VWA3B: variants seen among roughly 807,000 people sequenced by gnomAD.
The protein encoded by VWA3B is von Willebrand factor A domain containing 3B.
A neutral mutation model predicts 158.3 loss-of-function variants in VWA3B; 138 were observed. That is an observed-to-expected ratio of 0.87 (90% CI 0.76 to 1.00). The LOEUF (loss-of-function observed/expected upper bound fraction) is 1.00, where lower values mean the gene tolerates loss of function less well. VWA3B is among the 50% of genes least tolerant of loss of function. VWA3B has a pLI of 0.00. For missense variants in VWA3B, 1,555 were observed against 1,565.1 expected (o/e 0.99, Z 0.11); for synonymous variants, 596 against 587.3 (o/e 1.01, Z -0.21).
At chr2:98,298,916 C>G (rs1331661058) in intron 24 of VWA3B, among the ~76,000 whole-genome samples, 1 of 152,186 alleles carries the variant, frequency 6.6e-6, no homozygotes, top group Non-Finnish European at 1.5e-5. Context: ...AATTAGTGCC[C>G]TATGTAGATG....
intron 19 of VWA3B, among the ~76,000 whole-genome samples, chr2:98,248,883 C>CTTT (rs201467379): frequency 9.8e-4 from 22 of 22,474 alleles, no homozygotes; most frequent in African/African-American, 4.6e-3. Flanking sequence ...TTCTTTCTTT[C>CTTT]TCTCTTTCCT....
At chr2:98,259,770 C>T (rs1413549823) in intron 21 of VWA3B, among the ~76,000 whole-genome samples, 1 of 151,622 alleles carries the variant, frequency 6.6e-6, no homozygotes, top group African/African-American at 2.4e-5. Flanking sequence ...TTTCCTTCCT[C>T]TGCTGGCTTT....
intron 19 of VWA3B, among the ~76,000 whole-genome samples, chr2:98,246,719 G>A (rs62156719): frequency 0.04 from 6,101 of 151,938 alleles, 181 homozygotes; most frequent in Middle Eastern, 0.075. Context: ...CTAAAACATC[G>A]TCCTACAGGT....
At chr2:98,098,222 T>C (rs1682847010) in intron 2 of VWA3B, among the ~76,000 whole-genome samples, 1 of 152,134 alleles carries the variant, frequency 6.6e-6, no homozygotes, top group African/African-American at 2.4e-5. Flanking sequence ...GTTCTGTGTA[T>C]GTTTATTTGG....
chr2:98,134,314 C>T (rs1297691963), intron 7 of VWA3B, among the ~76,000 whole-genome samples: 3 of 152,164 alleles, frequency 2.0e-5, no homozygotes, highest in Non-Finnish European at 4.4e-5. Flanking sequence ...GCTGTCCTCC[C>T]TGTGATGAAA....
chr2:98,192,226 T>C (rs1574039181), intron 10 of VWA3B: 1 of 152,444 alleles, frequency 6.6e-6, no homozygotes, highest in Admixed American at 6.5e-5. Flanking sequence ...TTTGGCACCT[T>C]TCATGTGCGT....
At chr2:98,281,566 T>C (rs1217811360) in intron 22 of VWA3B, among the ~76,000 whole-genome samples, 2 of 152,212 alleles carry the variant, frequency 1.3e-5, no homozygotes, top group Admixed American at 1.3e-4. Flanking sequence ...TTTGTAGAAA[T>C]GTGTTCTGTA....
intron 19 of VWA3B, among the ~76,000 whole-genome samples, chr2:98,239,261 A>G (rs946539799): frequency 1.3e-5 from 2 of 152,246 alleles, no homozygotes; most frequent in Non-Finnish European, 2.9e-5. Context: ...GGAAAACAAC[A>G]CAAATTCATA....
intron 20 of VWA3B, 105 bp downstream of exon 20, chr2:98,250,541 G>A (rs1045666029): frequency 9.4e-6 from 9 of 954,484 alleles, no homozygotes; most frequent in Non-Finnish European, 1.4e-5. Context: ...TAATGAAGCA[G>A]CTATTTAAAA....
At chr2:98,106,179 T>C (rs1673635441) in intron 2 of VWA3B, among the ~76,000 whole-genome samples, 1 of 152,140 alleles carries the variant, frequency 6.6e-6, no homozygotes, top group East Asian at 1.9e-4. Flanking sequence ...CCTCCCAAAG[T>C]GCTGGGATTA....
intron 8 of VWA3B, among the ~76,000 whole-genome samples, chr2:98,173,733 C>T (rs756614970): frequency 2.6e-5 from 4 of 152,046 alleles, no homozygotes; most frequent in East Asian, 1.9e-4. Context: ...TTTGGGAGGC[C>T]GAGGTGGGTG....
chr2:98,152,496 G>A (rs1041805065), intron 7 of VWA3B, among the ~76,000 whole-genome samples: 4 of 152,226 alleles, frequency 2.6e-5, no homozygotes, highest in African/African-American at 9.6e-5. Context: ...CAGGAGGAGG[G>A]AGTCTATTTA....
chr2:98,210,856 C>A (rs372493185), intron 12 of VWA3B, among the ~76,000 whole-genome samples: 3 of 152,204 alleles, frequency 2.0e-5, no homozygotes, highest in Non-Finnish European at 4.4e-5. Flanking sequence ...AGAATAACCT[C>A]CTAGGCTTTG....
At chr2:98,147,589 C>G (rs946683784) in intron 7 of VWA3B, among the ~76,000 whole-genome samples, 5 of 151,962 alleles carry the variant, frequency 3.3e-5, no homozygotes, top group African/African-American at 9.7e-5. Context: ...CATTAAAGTT[C>G]TATATTAGAG....
intron 6 of VWA3B, 95 bp downstream of exon 6, chr2:98,128,503 T>C (rs1055196911): frequency 7.7e-7 from 1 of 1,295,008 alleles, no homozygotes; most frequent in African/African-American, 1.5e-5. Flanking sequence ...CTTTAACCAA[T>C]CTGTTGCTGT....
chr2:98,183,260 C>T lies in VWA3B; in HGVS notation c.1311+2048C>T, dbSNP rs1024590165. On this transcript the variant is annotated intron_variant, in intron 9 of 27. Coordinates refer to ENST00000477737, the MANE Select transcript of VWA3B (RefSeq NM_144992.5). ...GTTTTATTTTTAGTCTTTGGGACTA[C>T]ATACTGAAACTGGATTCACACCTAA... is the stretch of plus-strand genomic sequence containing the variant. Among the ~76,000 whole-genome samples, 4 of 141,962 alleles carry T rather than the reference C, an allele frequency of 2.8e-5. No individual in the cohort carries two copies. The Admixed American group carries it at 2.9e-4, about 10-fold the overall frequency. The allele number at this position is 141,962 out of a possible 152,430, so 93.1% of individuals were successfully genotyped here.
At chr2:98,285,723 A>C (rs1689131852) in intron 22 of VWA3B, among the ~76,000 whole-genome samples, 1 of 151,714 alleles carries the variant, frequency 6.6e-6, no homozygotes, top group Admixed American at 6.6e-5. Context: ...TTGGGGGGTC[A>C]TCTGTGTCCT....
chr2:98,253,351 A>G (rs1244669957), intron 20 of VWA3B, among the ~76,000 whole-genome samples: 2 of 152,204 alleles, frequency 1.3e-5, no homozygotes, highest in Non-Finnish European at 2.9e-5. Context: ...GAAAGCTCAC[A>G]GTCCTTTGGT....
intron 23 of VWA3B, among the ~76,000 whole-genome samples, chr2:98,296,847 T>G (rs1484575273): frequency 6.6e-6 from 1 of 151,836 alleles, no homozygotes; most frequent in African/African-American, 2.4e-5. Flanking sequence ...GGTATTTTCT[T>G]TTCCTAGAAT....
Sources: gnomAD v4.1 joint callset for allele counts (sites outside exome capture counted in the v4.1 genomes callset) on GRCh38, gnomAD v4.1.1 for gene constraint, MANE v1.5 for transcripts, NCBI Gene and HGNC (gene_info 2026-07-23, HGNC 2026-07-21) for gene names.